Variants in SUGCT observed in about 807,000 individuals in gnomAD.
SUGCT encodes the protein succinyl-CoA:glutarate-CoA transferase.
A neutral mutation model predicts 55.0 loss-of-function variants in SUGCT; 41 were observed. The ratio of observed to expected loss-of-function variants is 0.74; its 90% CI spans 0.58 to 0.97. The LOEUF (loss-of-function observed/expected upper bound fraction) is 0.97. SUGCT is among the 50% of genes least tolerant of loss of function. SUGCT has a pLI of 0.00. For synonymous variants in SUGCT, 187 were observed against 200.4 expected (o/e 0.93, Z 0.56); for missense variants, 568 against 547.8 (o/e 1.04, Z -0.37).
intron 9 of SUGCT, among the ~76,000 whole-genome samples, chr7:40,356,652 C>G (rs1797899593): frequency 6.6e-6 from 1 of 152,206 alleles, no homozygotes; most frequent in Non-Finnish European, 1.5e-5. Context: ...TCACCCTCTG[C>G]TCCATACATA....
In SUGCT at chr7:40,526,907, CATT is replaced by C. The variant is rs547981435; in HGVS notation, c.1089+30524_1089+30526del. Among the ~76,000 whole-genome samples the C allele has an allele frequency of 4.4e-3, 672 of 152,284 alleles. 6 individuals carry two copies. The highest frequency in any genetic ancestry group is 0.015 in the African/African-American group (643 of 41,548). Reference sequence around the variant, plus strand: ...TGATGCCAGAAGATGTGAATAAAAACATTATGATGATGTTCGGGTCTATCTTGC... The same window carrying C: ...TGATGCCAGAAGATGTGAATAAAAACATGATGATGTTCGGGTCTATCTTGC... On this transcript the variant is annotated intron_variant, in intron 12 of 13. Coordinates refer to ENST00000335693, the MANE Select transcript of SUGCT (RefSeq NM_001193313.2).
the SUGCT span, among the ~76,000 whole-genome samples, chr7:40,994,461 G>A: frequency 3.3e-5 from 5 of 152,066 alleles, no homozygotes; most frequent in African/African-American, 1.2e-4. Flanking sequence ...TCCTTGACCT[G>A]AATAAAAAAG....
intron 10 of SUGCT, among the ~76,000 whole-genome samples, chr7:40,458,692 A>T (rs1789620336): frequency 6.6e-6 from 1 of 152,192 alleles, no homozygotes; most frequent in African/African-American, 2.4e-5. Flanking sequence ...TACAAGATAC[A>T]TGTAGATATG....
In SUGCT at chr7:40,660,508, C is replaced by T. The variant is rs546516767; in HGVS notation, c.1090-88926C>T. On this transcript the variant is annotated intron_variant, in intron 12 of 13. Transcript: ENST00000335693. ...TCCTGATCTCGTGATCTGCCCGCCTCGGCCTCCCAAAGTGCTGGGATTACA... is the reference window on the plus strand; with the variant it reads ...TCCTGATCTCGTGATCTGCCCGCCTTGGCCTCCCAAAGTGCTGGGATTACA... Among the ~76,000 whole-genome samples, 9 of 152,264 alleles carry T rather than the reference C, an allele frequency of 5.9e-5. No homozygotes were observed. In the East Asian group the frequency reaches 9.7e-4, roughly 16 times the overall value.
chr7:40,800,284 G>T (rs1292119046), intron 13 of SUGCT, among the ~76,000 whole-genome samples: 2 of 142,016 alleles, frequency 1.4e-5, no homozygotes, highest in Non-Finnish European at 3.1e-5. Context: ...TCGTATTCAT[G>T]ACTTTTTTTT....
chr7:41,028,946 TTCTC>T, the SUGCT span, among the ~76,000 whole-genome samples: 6 of 152,220 alleles, frequency 3.9e-5, no homozygotes, highest in Non-Finnish European at 8.8e-5. Context: ...TTAATTGGAA[TTCTC>T]TCTAATATAC....
intron 9 of SUGCT, among the ~76,000 whole-genome samples, chr7:40,373,836 GT>G (rs1398024180): frequency 6.6e-6 from 1 of 152,106 alleles, no homozygotes; most frequent in African/African-American, 2.4e-5. Flanking sequence ...CTGTAAGAAT[GT>G]TTCAAATGCT....
At chr7:40,561,481 A>T (rs1353264128) in intron 12 of SUGCT, among the ~76,000 whole-genome samples, 1 of 152,178 alleles carries the variant, frequency 6.6e-6, no homozygotes, top group East Asian at 1.9e-4. Context: ...TTTAAGATTT[A>T]GTCAACAGAT....
At chr7:40,263,207 C>T (rs1402828587) in intron 7 of SUGCT, among the ~76,000 whole-genome samples, 2 of 152,204 alleles carry the variant, frequency 1.3e-5, no homozygotes, top group African/African-American at 4.8e-5. Flanking sequence ...CAGGCATGAG[C>T]CACGGTGCCC....
intron 12 of SUGCT, among the ~76,000 whole-genome samples, chr7:40,578,622 C>A (rs899558023): frequency 1.2e-4 from 18 of 151,962 alleles, no homozygotes; most frequent in Non-Finnish European, 2.2e-4. Context: ...AATACCAATG[C>A]TCAGGCCCCA....
At chr7:40,767,695 C>T (rs1000851760) in intron 13 of SUGCT, among the ~76,000 whole-genome samples, 6 of 152,192 alleles carry the variant, frequency 3.9e-5, no homozygotes, top group South Asian at 2.1e-4. Flanking sequence ...GTGGACAAAA[C>T]ACACAGAGAT....
chr7:40,294,013 T>C (rs1793958601), intron 8 of SUGCT, among the ~76,000 whole-genome samples: 1 of 152,082 alleles, frequency 6.6e-6, no homozygotes, highest in African/African-American at 2.4e-5. Flanking sequence ...AGTGGCACAA[T>C]CTTGGTTCAC....
At chr7:40,965,195 G>C in the SUGCT span, 1 of 152,134 alleles carries the variant, frequency 6.6e-6, no homozygotes, top group Non-Finnish European at 1.5e-5. Context: ...ATTAGTACAA[G>C]AAAAATACAT....
At chr7:40,180,893 A>C in intron 1 of SUGCT, 54 bp from the exon 2 acceptor site, 1 of 1,351,480 alleles carries the variant, frequency 7.4e-7, no homozygotes, top group Non-Finnish European at 1.1e-6. Flanking sequence ...TGTATGTGAA[A>C]ATGTAAGAAA....
At chr7:40,141,693 T>G in intron 1 of SUGCT, 1 of 193,736 alleles carries the variant, frequency 5.2e-6, no homozygotes. Flanking sequence ...TATATGAAGA[T>G]TGAGGGAGAG....
rs193029256 is a variant in SUGCT at position 40,254,550 on chromosome 7, C to T, written c.576+16824C>T. ...GTAGCTGGGATTACAGGTACCACCA[C>T]ACCCAGCTAATTTTTGTATTTTTTA... On this transcript the variant is annotated intron_variant, in intron 7 of 13. Coordinates refer to ENST00000335693, the MANE Select transcript of SUGCT (RefSeq NM_001193313.2). Among the ~76,000 whole-genome samples, 591 of 151,800 alleles carry T rather than the reference C, an allele frequency of 3.9e-3. 5 individuals are homozygous for T. The highest frequency in any genetic ancestry group is 0.011 in the South Asian group (55 of 4,798).
intron 7 of SUGCT, among the ~76,000 whole-genome samples, chr7:40,259,783 T>A (rs975781939): frequency 2.6e-5 from 4 of 152,226 alleles, no homozygotes; most frequent in African/African-American, 9.6e-5. Context: ...ATTCTCTAAT[T>A]GCATCTTTTG....
the SUGCT span, among the ~76,000 whole-genome samples, chr7:41,025,429 G>A: frequency 6.6e-5 from 10 of 151,942 alleles, no homozygotes; most frequent in South Asian, 2.1e-3. Flanking sequence ...AAGTGCAGTG[G>A]CGTGATCTCA....
At chr7:40,858,904 A>G (rs1933999217) in intron 13 of SUGCT, among the ~76,000 whole-genome samples, 1 of 152,234 alleles carries the variant, frequency 6.6e-6, no homozygotes, top group African/African-American at 2.4e-5. Flanking sequence ...TGACGGTGTT[A>G]GGAGACCCAA....
Sources: gnomAD v4.1 joint callset for allele counts (sites outside exome capture counted in the v4.1 genomes callset) on GRCh38, gnomAD v4.1.1 for gene constraint, MANE v1.5 for transcripts, NCBI Gene and HGNC (gene_info 2026-07-23, HGNC 2026-07-21) for gene names.